Variants in KIF1A observed in about 807,000 individuals in gnomAD.
The protein encoded by KIF1A is kinesin family member 1A.
A neutral mutation model predicts 227.3 loss-of-function variants in KIF1A; 46 were observed. The observed-to-expected ratio is 0.20, with a 90% confidence interval of 0.16 to 0.26. The LOEUF is 0.26. Among genes scored for constraint, KIF1A ranks in the 10% least tolerant of loss-of-function variants. KIF1A has a pLI of 1.00. For synonymous variants in KIF1A, 1,022 were observed against 1,012.8 expected, an observed-to-expected ratio of 1.01 and a Z score of -0.17; for missense variants, 1,683 against 2,485.9, an observed-to-expected ratio of 0.68 and a Z score of 6.87.
At position 240,752,660 on chromosome 2, in the gene KIF1A, C is replaced by T. The variant is rs2049362341; in HGVS notation, c.2859-2113G>A. Among the ~76,000 whole-genome samples, 1 of 152,130 alleles carries T rather than the reference C, an allele frequency of 6.6e-6. No individual in the cohort carries two copies. Among genetic ancestry groups the T allele is most frequent in the Admixed American group, 6.5e-5 (1 of 15,292 alleles). On this transcript the variant is annotated intron_variant, in intron 27 of 48. Coordinates refer to ENST00000498729, the MANE Select transcript of KIF1A (RefSeq NM_001244008.2). This position sits in a 1 kb window ranked among gnomAD's most constrained non-coding sequence, Gnocchi z 6.4. ...ATGAGACCAGACGGGACAGCCCATG[C>T]TGTGGGGCTCTGAGCCAGCCCCTGC... is the stretch of plus-strand genomic sequence containing the variant.
chr2:240,763,180 C>T lies in KIF1A; in HGVS notation c.1935G>A (p.Gln645=), dbSNP rs1429116430. 1 of 1,611,390 alleles carries T rather than the reference C, an allele frequency of 6.2e-7. No homozygotes were observed. The highest frequency in any genetic ancestry group is 1.3e-5 in the African/African-American group (1 of 74,952). The change falls in exon 21 of 49, where the codon CAG becomes CAA. Residue 645 remains glutamine, a synonymous_variant. Coordinates refer to ENST00000498729, the MANE Select transcript of KIF1A (RefSeq NM_001244008.2). The part of the protein sequence containing the change: ...LLEKQGIDMK[Q]EMEQRLQELE... ...CTCCGCCTCACCTCTGCTCCATCTC[C>T]TGCTTCATGTCGATGCCCTGCTTCT...
intron 1 of KIF1A, among the ~76,000 whole-genome samples, chr2:240,813,680 C>CCA (rs1481793020): frequency 3.9e-5 from 6 of 152,112 alleles, no homozygotes; most frequent in Admixed American, 3.9e-4. Flanking sequence ...CATGGACACC[C>CCA]CACCCCAGCT....
intron 15 of KIF1A, among the ~76,000 whole-genome samples, chr2:240,770,616 G>C (rs1050035472): frequency 6.6e-6 from 1 of 152,244 alleles, no homozygotes; most frequent in African/African-American, 2.4e-5. Flanking sequence ...AAGAGTCTCA[G>C]TCCTGGACAT....
At chr2:240,773,720 C>T (rs2052332756) in intron 12 of KIF1A, among the ~76,000 whole-genome samples, 1 of 152,224 alleles carries the variant, frequency 6.6e-6, no homozygotes, top group Non-Finnish European at 1.5e-5. Context: ...CTCTTAAGCA[C>T]TGGTGGTGCA....
rs2126046219 is a variant in KIF1A, at chr2:240,782,573, T to C, written c.882+17A>G. 1 of 1,551,748 alleles carries C rather than the reference T, an allele frequency of 6.4e-7. No individual in the cohort carries two copies. The highest frequency in any genetic ancestry group is 8.7e-7 in the Non-Finnish European group (1 of 1,147,494). On this transcript the variant is annotated intron_variant, in intron 10 of 48. Coordinates refer to ENST00000498729, the MANE Select transcript of KIF1A (RefSeq NM_001244008.2). ...CAGCCTCCCGCACCTGCCCCGGGGC[T>C]GAAGGAAGCCGCTTACCTTGTTGGG...
chr2:240,783,242 C>T, intron 8 of KIF1A, 133 bp from the exon 9 acceptor site: 1 of 762,282 alleles, frequency 1.3e-6, no homozygotes, highest in Non-Finnish European at 2.3e-6. Flanking sequence ...TCTGGGGCCA[C>T]TTGGGCGTGG....
intron 33 of KIF1A, 67 bp downstream of exon 33, chr2:240,743,875 G>A (rs1459816718): frequency 9.2e-7 from 1 of 1,081,978 alleles, no homozygotes. Context: ...CAAGACAGCT[G>A]GATGAAAAGA....
At chr2:240,734,032 A>G (rs67643017) in intron 38 of KIF1A, among the ~76,000 whole-genome samples, 39,346 of 152,134 alleles carry the variant, frequency 0.26, 5,302 homozygotes, top group Non-Finnish European at 0.29. Flanking sequence ...CTCCTGCTGG[A>G]CAACCTGAGT....
chr2:240,780,569 T>C (rs1211396208), intron 10 of KIF1A, among the ~76,000 whole-genome samples: 2 of 151,902 alleles, frequency 1.3e-5, no homozygotes, highest in Non-Finnish European at 2.9e-5. Context: ...TGATTCCACG[T>C]AGCTCCCCAC....
chr2:240,785,233 G>A (rs1225428561), intron 6 of KIF1A, 133 bp from the exon 7 acceptor site: 2 of 707,780 alleles, frequency 2.8e-6, no homozygotes, highest in Non-Finnish European at 4.8e-6. Context: ...GCCCTGCTGG[G>A]CCTGGCACTG....
intron 5 of KIF1A, 72 bp from the exon 6 acceptor site, chr2:240,786,585 A>G: frequency 7.0e-7 from 1 of 1,423,682 alleles, no homozygotes; most frequent in Non-Finnish European, 9.7e-7. Context: ...GGGACCCCTG[A>G]GTGAGGGGGT....
In KIF1A at chr2:240,762,731, G is replaced by GCTC. The variant is rs771003443; in HGVS notation, c.2101_2103dup (p.Glu701dup). ...AGTGACCCCTCACCTTCATCCTCGG[G>GCTC]CTCCTCCTCCTCCTCGTTCACCTCC... On this transcript the variant is annotated inframe_insertion, in exon 23 of 49. Coordinates refer to ENST00000498729, the MANE Select transcript of KIF1A (RefSeq NM_001244008.2). 6.8e-5 allele frequency: 108 copies of GCTC among 1,591,300 alleles called. No homozygotes were observed. The South Asian group carries it at 1.1e-3, about 17-fold the overall frequency.
intron 28 of KIF1A, 46 bp from the exon 29 acceptor site, chr2:240,747,367 G>T: frequency 6.6e-7 from 1 of 1,526,534 alleles, no homozygotes; most frequent in Non-Finnish European, 9.1e-7. Flanking sequence ...CTTGTCCCCT[G>T]AGGTGGGTGT....
At chr2:240,784,881 C>G in intron 7 of KIF1A, 108 bp downstream of exon 7, 1 of 884,352 alleles carries the variant, frequency 1.1e-6, no homozygotes. Context: ...CCTGCACAGG[C>G]CAGCATTGGG....
rs60462300 is a variant in KIF1A, at chr2:240,778,511, TACACAC to T, written c.883-2591_883-2586del. The stretch of plus-strand genomic sequence containing the variant: ...GGCGCTCGCAGCTCCCGCACAGCGT[TACACAC>T]ACACACACACACACACACACACACA... On this transcript the variant is annotated intron_variant, in intron 10 of 48. Coordinates refer to ENST00000498729, the MANE Select transcript of KIF1A (RefSeq NM_001244008.2). The surrounding 1 kb of genome is among the most constrained non-coding windows in gnomAD (Gnocchi z 7.2). Among the ~76,000 whole-genome samples the T allele has an allele frequency of 4.0e-3, 532 of 134,112 alleles. 1 individual carries two copies. Among genetic ancestry groups the T allele is most frequent in the Middle Eastern group, 0.011 (3 of 266 alleles). The allele number at this position is 134,112 out of a possible 152,430, so 88.0% of individuals were successfully genotyped here.
chr2:240,794,909 C>T (rs368634913), intron 2 of KIF1A, among the ~76,000 whole-genome samples: 4 of 152,272 alleles, frequency 2.6e-5, no homozygotes, highest in African/African-American at 4.8e-5. Flanking sequence ...TTCAGTTTCC[C>T]GAGGATGAAA....
intron 34 of KIF1A, among the ~76,000 whole-genome samples, 183 bp from the exon 35 acceptor site, chr2:240,741,560 T>A (rs868111865): frequency 8.5e-5 from 13 of 152,196 alleles, no homozygotes; most frequent in African/African-American, 2.7e-4. Flanking sequence ...TCCTGGGCAC[T>A]CTGTGGCCTT....
At chr2:240,803,746 T>A (rs1374390590) in intron 1 of KIF1A, among the ~76,000 whole-genome samples, 1 of 152,108 alleles carries the variant, frequency 6.6e-6, no homozygotes, top group Non-Finnish European at 1.5e-5. Context: ...TAAAAACAGC[T>A]AAGAGAGTTG....
At position 240,769,072 on chromosome 2, in the gene KIF1A, C is replaced by T. The variant is rs1400978285; in HGVS notation, c.1497+61G>A. On this transcript the variant is annotated intron_variant, in intron 17 of 48. Transcript: ENST00000498729. ...GAGCCCCCTCTGGCTCTACCTGAGACAGCACCTCACCTGGTCCTGTTCAGA... is the reference window on the plus strand; with the variant it reads ...GAGCCCCCTCTGGCTCTACCTGAGATAGCACCTCACCTGGTCCTGTTCAGA... The T allele has an allele frequency of 2.1e-6, 3 of 1,454,392 alleles. No individual in the cohort carries two copies. In the African/African-American group the frequency reaches 4.2e-5, roughly 20 times the overall value. The allele number at this position is 1,454,392 out of a possible 1,614,324, so 90.1% of individuals were successfully genotyped here.
Sources: gnomAD v4.1 joint callset for allele counts (sites outside exome capture counted in the v4.1 genomes callset) on GRCh38, gnomAD v4.1.1 for gene constraint, Gnocchi (gnomAD v3.1) non-coding constraint, MANE v1.5 for transcripts, NCBI Gene and HGNC (gene_info 2026-07-23, HGNC 2026-07-21) for gene names.